Variants in SCN4A observed in about 807,000 individuals in gnomAD.
SCN4A encodes sodium voltage-gated channel alpha subunit 4.
A neutral mutation model predicts 162.0 loss-of-function variants in SCN4A; 83 were observed. The observed-to-expected ratio is 0.51, with a 90% CI of 0.43 to 0.61. The LOEUF is 0.61. Among genes scored for constraint, SCN4A ranks in the 20% least tolerant of loss-of-function variants. The probability of loss-of-function intolerance (pLI) is 0.00; values close to 1 mark genes in which losing one functional copy is unlikely to be tolerated. For synonymous variants in SCN4A, 944 were observed against 985.1 expected, an observed-to-expected ratio of 0.96 and a Z score of 0.78; for missense variants, 2,196 against 2,462.5, an observed-to-expected ratio of 0.89 and a Z score of 2.29.
At chr17:63,953,814 G>A (rs528318085) in intron 13 of SCN4A, among the ~76,000 whole-genome samples, 2 of 152,194 alleles carry the variant, frequency 1.3e-5, no homozygotes, top group Non-Finnish European at 1.5e-5. Flanking sequence ...GAGAGGTGGC[G>A]TGGCCTGCTC....
chr17:63,947,153 G>A lies in SCN4A; in HGVS notation c.3333C>T (p.Ser1111=). 1 of 1,613,488 alleles carries A rather than the reference G, an allele frequency of 6.2e-7. No homozygotes were observed. The highest frequency in any genetic ancestry group is 8.5e-7 in the Non-Finnish European group (1 of 1,179,802). The stretch of plus-strand genomic sequence containing the variant: ...AGTAGCCCAGCCAGTTGGCCACCAA[G>A]CTGATGATGGAGACCTGCAGGGGAG... ...DFLIVDVSII[S]LVANWLGYSE... Residue 1111 remains serine, a synonymous_variant, in exon 18 of 24, where the codon AGC becomes AGT. Coordinates refer to ENST00000435607, the MANE Select transcript of SCN4A (RefSeq NM_000334.4).
chr17:63,963,812 TG>T lies in SCN4A; in HGVS notation c.1465del (p.Gln489LysfsTer77). On this transcript the variant is annotated frameshift_variant, in exon 10 of 24. Coordinates refer to ENST00000435607, the MANE Select transcript of SCN4A (RefSeq NM_000334.4). LOFTEE classifies it high-confidence loss of function. ...ATCTGCCTCCCCACCTTCCAGAGCTTGGGCGGCCTTGGCCTGTAGACCAGCA... is the reference window on the plus strand; with the variant it reads ...ATCTGCCTCCCCACCTTCCAGAGCTTGGCGGCCTTGGCCTGTAGACCAGCA... ...QEELEKAKAA[Q>X]ALEGGEADGD... The T allele has an allele frequency of 6.2e-7, 1 of 1,601,558 alleles. No individual in the cohort carries two copies. Among genetic ancestry groups the T allele is most frequent in the Non-Finnish European group, 8.5e-7 (1 of 1,174,314 alleles).
Position 63,964,580 on chromosome 17 carries a change from G to A in SCN4A, c.1340C>T (p.Ala447Val), listed in dbSNP as rs776272447. ...CTCATTCTGCTCGGCATATGCCATG[G>A]CCACCACGGCCAGGATCAGATTGAT... ...YLINLILAVV[A>V]MAYAEQNEAT... The change falls in exon 9 of 24, where the codon GCC becomes GTC. Residue 447 changes from alanine to valine, a missense_variant. Transcript: ENST00000435607. 6.2e-7 allele frequency: 1 copy of A among 1,613,920 alleles called. No homozygotes were observed. The highest frequency in any genetic ancestry group is 8.5e-7 in the Non-Finnish European group (1 of 1,179,864).
In SCN4A at chr17:63,966,373, C is replaced by A. The variant is rs1295289609; in HGVS notation, c.1100+108G>T. On this transcript the variant is annotated intron_variant, in intron 7 of 23. Transcript: ENST00000435607. The stretch of plus-strand genomic sequence containing the variant: ...CAAACAGAAAAGTATTCCATCCATG[C>A]CCACAGGTTTCCCTGCACTCCCATG... 5 of 1,407,100 alleles carry A rather than the reference C, an allele frequency of 3.6e-6. No individual in the cohort carries two copies. In the African/African-American group the frequency reaches 7.1e-5, roughly 20 times the overall value. The allele number at this position is 1,407,100 out of a possible 1,614,324, so 87.2% of individuals were successfully genotyped here. A position where few individuals can be genotyped will look rare whatever the true frequency, so the allele number is the denominator to read the frequency against.
In SCN4A at chr17:63,944,796, C is replaced by A. The variant is rs574892874; in HGVS notation, c.3789G>T (p.Pro1263=). 7 of 1,613,630 alleles carry A rather than the reference C, an allele frequency of 4.3e-6. No homozygotes were observed. The highest frequency in any genetic ancestry group is 3.3e-5 in the Admixed American group (2 of 59,966). ...AVDSREKEEQ[P]QYEVNLYMYL... ...ACATGTAGAGGTTCACCTCGTACTGCGGCTGCTCCTCCTTCTGTGGGAGCC... is the reference window on the plus strand; with the variant it reads ...ACATGTAGAGGTTCACCTCGTACTGAGGCTGCTCCTCCTTCTGTGGGAGCC... Residue 1263 remains proline, a synonymous_variant, in exon 21 of 24, where the codon CCG becomes CCT. Coordinates refer to ENST00000435607, the MANE Select transcript of SCN4A (RefSeq NM_000334.4). The surrounding 1 kb of genome is among the most constrained non-coding windows in gnomAD (Gnocchi z 4.3).
In SCN4A at chr17:63,951,113, A is replaced by C. The variant is rs1482865692; in HGVS notation, c.2853+311T>G. ...TCCTGGAGCTGCGGTGCCCAGGTAA[A>C]AGCAGCATGTCCAAGGGCACCACCT... is the stretch of plus-strand genomic sequence containing the variant. On this transcript the variant is annotated intron_variant, in intron 14 of 23. Transcript: ENST00000435607. This position sits in a 1 kb window ranked among gnomAD's most constrained non-coding sequence, Gnocchi z 4.5. Among the ~76,000 whole-genome samples the C allele has an allele frequency of 1.3e-5, 2 of 152,136 alleles. No homozygotes were observed. The highest frequency in any genetic ancestry group is 2.9e-5 in the Non-Finnish European group (2 of 68,022).
Position 63,944,150 on chromosome 17 carries a change from T to G in SCN4A, c.3913-300A>C, listed in dbSNP as rs1039868936. On this transcript the variant is annotated intron_variant, in intron 21 of 23. Coordinates refer to ENST00000435607, the MANE Select transcript of SCN4A (RefSeq NM_000334.4). This position sits in a 1 kb window ranked among gnomAD's most constrained non-coding sequence, Gnocchi z 4.3. ...AGGTTGTAGCAGCCTCGTCTTTTTTTTTGTTGTTGAGATGGAGTCTCGCTC... is the reference window on the plus strand; with the variant it reads ...AGGTTGTAGCAGCCTCGTCTTTTTTGTTGTTGTTGAGATGGAGTCTCGCTC... Among the ~76,000 whole-genome samples the G allele has an allele frequency of 1.9e-4, 29 of 152,050 alleles. No individual in the cohort carries two copies. Among genetic ancestry groups the G allele is most frequent in the African/African-American group, 6.8e-4 (28 of 41,406 alleles).
chr17:63,959,636 C>T (rs1227148222), intron 11 of SCN4A, among the ~76,000 whole-genome samples, 198 bp from the exon 12 acceptor site: 1 of 152,174 alleles, frequency 6.6e-6, no homozygotes, highest in Non-Finnish European at 1.5e-5. Flanking sequence ...AGTCATAGGG[C>T]CTAGGTGGGT....
chr17:63,943,138 C>A, intron 22 of SCN4A, 42 bp from the exon 23 acceptor site: 1 of 1,585,858 alleles, frequency 6.3e-7, no homozygotes, highest in Admixed American at 1.7e-5. Context: ...GTTGGGGTGG[C>A]CAGGCCCAGA....
intron 18 of SCN4A, among the ~76,000 whole-genome samples, chr17:63,946,567 C>A (rs563445111): frequency 2.8e-4 from 43 of 151,846 alleles, no homozygotes; most frequent in African/African-American, 1.0e-3. Flanking sequence ...GGGCATGGCC[C>A]CAACCGTGAC....
In SCN4A at chr17:63,971,207, T is replaced by C; in HGVS notation, c.658A>G (p.Thr220Ala). The C allele has an allele frequency of 6.4e-7, 1 of 1,558,104 alleles. No individual in the cohort carries two copies. Among genetic ancestry groups the C allele is most frequent in the Non-Finnish European group, 8.7e-7 (1 of 1,150,852 alleles). ...TTGAGGGCCCGCAGCACCCGGAAGGTCCTCAGGGCTGAGATGTTGCCCAAG... is the reference window on the plus strand; with the variant it reads ...TTGAGGGCCCGCAGCACCCGGAAGGCCCTCAGGGCTGAGATGTTGCCCAAG... ...VDLGNISALR[T>A]FRVLRALKTI... is the part of the protein sequence containing the mutation. The change falls in exon 5 of 24, where the codon ACC becomes GCC. Residue 220 changes from threonine (T) to alanine (A), a missense_variant. Thr to Ala is a moderately conservative substitution (Grantham distance 58). Transcript: ENST00000435607.
Position 63,940,970 on chromosome 17 carries a change from A to AT in SCN4A, c.5311_5312insA (p.Leu1771HisfsTer76). The AT allele has an allele frequency of 6.2e-7, 1 of 1,613,342 alleles. No homozygotes were observed. The highest frequency in any genetic ancestry group is 8.5e-7 in the Non-Finnish European group (1 of 1,179,338). ...CATCTTGCTCATGGTGTTGGCAAGC[A>AT]GCCCCTCCTTCTCAGGGGCGTCATC... On this transcript the variant is annotated frameshift_variant, in exon 24 of 24. Transcript: ENST00000435607. LOFTEE classifies it low-confidence loss of function (END_TRUNC).
chr17:63,949,261 C>T, intron 15 of SCN4A, 132 bp downstream of exon 15: 1 of 963,628 alleles, frequency 1.0e-6, no homozygotes, highest in Non-Finnish European at 1.5e-6. Flanking sequence ...CTGCCACCAC[C>T]CCTAGACACG....
In SCN4A at chr17:63,944,938, G is replaced by A; in HGVS notation, c.3774+69C>T. ...TCTCGGGGACAGAACGTGCTGCCAA[G>A]TCTCCCTCCTGTCTTGAGTCCTCTT... On this transcript the variant is annotated intron_variant, in intron 20 of 23. Coordinates refer to ENST00000435607, the MANE Select transcript of SCN4A (RefSeq NM_000334.4). The surrounding 1 kb of genome is among the most constrained non-coding windows in gnomAD (Gnocchi z 4.3). 1 of 1,592,532 alleles carries A rather than the reference G, an allele frequency of 6.3e-7. No individual in the cohort carries two copies. The highest frequency in any genetic ancestry group is 8.6e-7 in the Non-Finnish European group (1 of 1,163,858).
intron 13 of SCN4A, among the ~76,000 whole-genome samples, chr17:63,955,223 AT>A (rs1360592792): frequency 2.0e-5 from 3 of 152,284 alleles, no homozygotes; most frequent in African/African-American, 7.2e-5. Flanking sequence ...GAGTGTGGAA[AT>A]AACATTACCT....
rs746636914 is a variant in SCN4A, at chr17:63,949,414, G to T, written c.2968C>A (p.Pro990Thr). 4.4e-6 allele frequency: 7 copies of T among 1,587,484 alleles called. No individual in the cohort carries two copies. Among genetic ancestry groups the T allele is most frequent in the Admixed American group, 3.6e-5 (2 of 56,088 alleles). Residue 990 changes from proline to threonine, a missense_variant, in exon 15 of 24, where the codon CCT (proline) becomes ACT (threonine). Pro to Thr is a conservative substitution (Grantham distance 38, BLOSUM62 -1). Coordinates refer to ENST00000435607, the MANE Select transcript of SCN4A (RefSeq NM_000334.4). ...TCACCCTCAGTGAAGCACTCCTCAG[G>T]CTGCTCCCCCTCGGGGTTCTCCTCT... ...QAEENPEGEQ[P>T]EECFTEACVQ...
At chr17:63,965,103 G>A (rs752635820) in intron 8 of SCN4A, among the ~76,000 whole-genome samples, 8 of 152,124 alleles carry the variant, frequency 5.3e-5, no homozygotes, top group Non-Finnish European at 1.2e-4. Flanking sequence ...GGAGTGCAGC[G>A]GTGTGATCTC....
chr17:63,969,433 C>T (rs182154924), intron 5 of SCN4A, among the ~76,000 whole-genome samples: 2 of 152,224 alleles, frequency 1.3e-5, no homozygotes, highest in East Asian at 1.9e-4. Flanking sequence ...AACAAATGCT[C>T]GGCAGCCTCC....
intron 13 of SCN4A, among the ~76,000 whole-genome samples, chr17:63,953,669 G>A (rs578201444): frequency 1.3e-5 from 2 of 149,264 alleles, no homozygotes; most frequent in South Asian, 4.2e-4. Context: ...GTGACAGTGC[G>A]AGACCCTGCC....
Sources: gnomAD v4.1 joint callset for allele counts (sites outside exome capture counted in the v4.1 genomes callset) on GRCh38, gnomAD v4.1.1 for gene constraint, Gnocchi (gnomAD v3.1) non-coding constraint, MANE v1.5 for transcripts, NCBI Gene and HGNC (gene_info 2026-07-23, HGNC 2026-07-21) for gene names.